The following NEMP2 variants were observed in gnomAD, a reference collection of about 807,000 sequenced individuals.
NEMP2 encodes UPF0571 transmembrane protein.
In NEMP2, 53 loss-of-function variants were observed where a neutral mutation model predicts 54.2. The ratio of observed to expected loss-of-function variants is 0.98; its 90% CI spans 0.78 to 1.23. NEMP2 has a LOEUF of 1.23. Ranked by LOEUF, NEMP2 falls within the 50% of genes most tolerant of loss-of-function variation. NEMP2 has a pLI of 0.00. For synonymous variants in NEMP2, 197 were observed against 190.3 expected (o/e 1.04, Z -0.29); for missense variants, 455 against 511.3 (o/e 0.89, Z 1.06).
At position 190,529,966 on chromosome 2, in the gene NEMP2, C is replaced by T. The variant is rs1691085298; in HGVS notation, c.98-4588G>A. Among the ~76,000 whole-genome samples the T allele has an allele frequency of 6.6e-6, 1 of 152,220 alleles. No individual in the cohort carries two copies. The highest frequency in any genetic ancestry group is 1.5e-5 in the Non-Finnish European group (1 of 68,046). On this transcript the variant is annotated intron_variant, in intron 1 of 8. Transcript: ENST00000409150. The surrounding 1 kb of genome is among the most constrained non-coding windows in gnomAD (Gnocchi z 4.7). ...ACATCCATAGCTAGAGGGTTGAGTA[C>T]TGTAACCCTTAACATCCTCTGGACT...
the NEMP2 span, among the ~76,000 whole-genome samples, chr2:190,621,256 A>C: frequency 6.6e-6 from 1 of 152,228 alleles, no homozygotes; most frequent in Non-Finnish European, 1.5e-5. Flanking sequence ...CACTCTGCAG[A>C]TATATGGCAT....
rs144954119 is a variant in NEMP2 at position 190,519,225 on chromosome 2, CTCT to C, written c.214-45_214-43del. 0.033 allele frequency: 45,162 copies of C among 1,389,052 alleles called. 867 individuals carry two copies. Among genetic ancestry groups the C allele is most frequent in the South Asian group, 0.04 (3,128 of 79,104 alleles). The allele number at this position is 1,389,052 out of a possible 1,614,324, so 86.0% of individuals were successfully genotyped here. A position where few individuals can be genotyped will look rare whatever the true frequency, so the allele number is the denominator to read the frequency against. ...AGCAAATCCATAAACAGAATAACTT[CTCT>C]TTTTTGTTTTGGAGACAGGGTCTCC... On this transcript the variant is annotated intron_variant, in intron 2 of 8. Transcript: ENST00000409150. This position sits in a 1 kb window ranked among gnomAD's most constrained non-coding sequence, Gnocchi z 5.4.
the NEMP2 span, chr2:190,436,248 C>G: frequency 3.1e-6 from 5 of 1,613,952 alleles, no homozygotes; most frequent in Admixed American, 1.7e-5. This position sits in a 1 kb window ranked among gnomAD's most constrained non-coding sequence, Gnocchi z 5.3. Flanking sequence ...TTTCCAAGGT[C>G]TTTTATTTTT....
At chr2:190,564,046 G>A in the NEMP2 span, among the ~76,000 whole-genome samples, 1 of 152,224 alleles carries the variant, frequency 6.6e-6, no homozygotes, top group Non-Finnish European at 1.5e-5. The surrounding 1 kb of genome is among the most constrained non-coding windows in gnomAD (Gnocchi z 4.2). Context: ...AGAGTATGAA[G>A]AATTAGAAAG....
chr2:190,623,479 A>G, the NEMP2 span, among the ~76,000 whole-genome samples: 1 of 152,192 alleles, frequency 6.6e-6, no homozygotes, highest in African/African-American at 2.4e-5. Flanking sequence ...ACACTGACCA[A>G]TGGCACAGAG....
chr2:190,533,467 G>A lies in NEMP2; in HGVS notation c.97+1092C>T, dbSNP rs1691230454. On this transcript the variant is annotated intron_variant, in intron 1 of 8. Coordinates refer to ENST00000409150, the MANE Select transcript of NEMP2 (RefSeq NM_001142645.2). This position sits in a 1 kb window ranked among gnomAD's most constrained non-coding sequence, Gnocchi z 4.3. The stretch of plus-strand genomic sequence containing the variant: ...CTGCAGTTAAAGCACTTATAACACT[G>A]CCTAGCACATACTGAACACTCAAAA... 6.6e-6 allele frequency among the ~76,000 whole-genome samples: 1 copy of A among 152,148 alleles called. No homozygotes were observed.
At position 190,529,302 on chromosome 2, in the gene NEMP2, G is replaced by A. The variant is rs1691057844; in HGVS notation, c.98-3924C>T. ...CCCCCTCCCTTCCAGGGACCTGAGT[G>A]CCTCTATGACCTTCCCTCCTCCACC... On this transcript the variant is annotated intron_variant, in intron 1 of 8. Coordinates refer to ENST00000409150, the MANE Select transcript of NEMP2 (RefSeq NM_001142645.2). The surrounding 1 kb of genome is among the most constrained non-coding windows in gnomAD (Gnocchi z 4.7). Among the ~76,000 whole-genome samples, 1 of 152,088 alleles carries A rather than the reference G, an allele frequency of 6.6e-6. No homozygotes were observed. Among genetic ancestry groups the A allele is most frequent in the Non-Finnish European group, 1.5e-5 (1 of 67,988 alleles).
At chr2:190,570,916 A>C in the NEMP2 span, among the ~76,000 whole-genome samples, 2 of 152,238 alleles carry the variant, frequency 1.3e-5, no homozygotes, top group African/African-American at 4.8e-5. This position sits in a 1 kb window ranked among gnomAD's most constrained non-coding sequence, Gnocchi z 5.4. Context: ...ACTGCTAGAA[A>C]GGTTAACATA....
downstream of NEMP2, chr2:190,500,855 T>A (rs1049510199): frequency 6.6e-6 from 1 of 152,206 alleles, no homozygotes; most frequent in African/African-American, 2.4e-5. The surrounding 1 kb of genome is among the most constrained non-coding windows in gnomAD (Gnocchi z 5.3). Context: ...ATAATGGAAA[T>A]AATTCTTTGA....
At chr2:190,637,557 C>T in the NEMP2 span, among the ~76,000 whole-genome samples, 1 of 152,204 alleles carries the variant, frequency 6.6e-6, no homozygotes, top group South Asian at 2.1e-4. This position sits in a 1 kb window ranked among gnomAD's most constrained non-coding sequence, Gnocchi z 4.5. Context: ...AGTTACTGCT[C>T]ATGTTTATGC....
chr2:190,639,645 TTTTGTTTTTTG>T, the NEMP2 span, among the ~76,000 whole-genome samples: 8 of 146,740 alleles, frequency 5.5e-5, no homozygotes, highest in East Asian at 2.0e-4. Context: ...AGTTTTTTTT[TTTTGTTTTTTG>T]TTTTTGTTTT....
the NEMP2 span, among the ~76,000 whole-genome samples, chr2:190,642,609 C>T: frequency 3.3e-5 from 5 of 152,188 alleles, no homozygotes; most frequent in Admixed American, 1.3e-4. The surrounding 1 kb of genome is among the most constrained non-coding windows in gnomAD (Gnocchi z 4.1). Context: ...CTACAATACA[C>T]TTCCAAAGCT....
At chr2:190,552,841 T>G in the NEMP2 span, among the ~76,000 whole-genome samples, 1 of 152,320 alleles carries the variant, frequency 6.6e-6, no homozygotes, top group Admixed American at 6.5e-5. Context: ...GTTTAGGGAA[T>G]GTGTTCTCAA....
chr2:190,446,680 G>C, the NEMP2 span, among the ~76,000 whole-genome samples: 1 of 152,168 alleles, frequency 6.6e-6, no homozygotes, highest in Admixed American at 6.5e-5. Context: ...AAGTTGGCCA[G>C]AGATAGGGAA....
Position 190,514,453 on chromosome 2 carries a change from C to A in NEMP2, c.953G>T (p.Trp318Leu). 1 of 1,550,188 alleles carries A rather than the reference C, an allele frequency of 6.5e-7. No individual in the cohort carries two copies. Among genetic ancestry groups the A allele is most frequent in the South Asian group, 1.2e-5 (1 of 83,886 alleles). The change falls in exon 7 of 9, where the codon TGG (tryptophan) becomes TTG (leucine). Residue 318 changes from tryptophan to leucine, a missense_variant and splice_region_variant. Physicochemically the swap from Trp to Leu is moderately conservative, Grantham distance 61. Around this residue, in one of 3 missense-constraint regions of NEMP2, gnomAD observed 294 missense variants for 333.6 expected, o/e 0.88. Transcript: ENST00000409150. This position sits in a 1 kb window ranked among gnomAD's most constrained non-coding sequence, Gnocchi z 5.7. ...YPLRACSYMR[W>L]KMEQWFTSKE... ...GCTGGGGGAAAAAAATGATACATACCACCTCATATAACTGCATGCTCTCAG... is the reference window on the plus strand; with the variant it reads ...GCTGGGGGAAAAAAATGATACATACAACCTCATATAACTGCATGCTCTCAG...
chr2:190,505,776 A>T lies in NEMP2; in HGVS notation c.*3413T>A, dbSNP rs1233293098. 1 of 152,264 alleles carries T rather than the reference A, an allele frequency of 6.6e-6. No individual in the cohort carries two copies. Among genetic ancestry groups the T allele is most frequent in the Non-Finnish European group, 1.5e-5 (1 of 68,048 alleles). The allele number at this position is 152,264 out of a possible 1,614,324, so 9.4% of individuals were successfully genotyped here. On this transcript the variant is annotated 3_prime_UTR_variant, in exon 9 of 9. Transcript: ENST00000409150. The surrounding 1 kb of genome is among the most constrained non-coding windows in gnomAD (Gnocchi z 5.8). Reference sequence around the variant, plus strand: ...TGTCAATAATGAAGATTAGAAAAACAGCAGTCACAGAGAGGAAAAAGTTGG... The same window carrying T: ...TGTCAATAATGAAGATTAGAAAAACTGCAGTCACAGAGAGGAAAAAGTTGG...
At chr2:190,643,384 C>CA in the NEMP2 span, among the ~76,000 whole-genome samples, 9 of 152,248 alleles carry the variant, frequency 5.9e-5, no homozygotes, top group South Asian at 1.9e-3. Flanking sequence ...ACACTTGTGT[C>CA]AGTGTTTCTG....
At chr2:190,599,404 G>C in the NEMP2 span, among the ~76,000 whole-genome samples, 1 of 152,064 alleles carries the variant, frequency 6.6e-6, no homozygotes, top group African/African-American at 2.4e-5. Flanking sequence ...GAACATCACA[G>C]GTAAAACTCT....
the NEMP2 span, among the ~76,000 whole-genome samples, chr2:190,607,505 A>G: frequency 6.6e-6 from 1 of 152,186 alleles, no homozygotes; most frequent in African/African-American, 2.4e-5. The surrounding 1 kb of genome is among the most constrained non-coding windows in gnomAD (Gnocchi z 5.2). Context: ...CACAGCCAAG[A>G]TTGAGAAATG....
Sources: allele counts gnomAD v4.1 joint callset (sites outside exome capture counted in the v4.1 genomes callset), GRCh38; gene constraint gnomAD v4.1.1; regional missense constraint gnomAD v4.1.1; non-coding constraint Gnocchi (gnomAD v3.1); transcripts MANE v1.5; gene names NCBI Gene and HGNC (gene_info 2026-07-23, HGNC 2026-07-21).